The following AKAP6 variants were observed in gnomAD, a reference collection of about 807,000 sequenced individuals.
The protein encoded by AKAP6 is A-kinase anchor protein 6.
AKAP6 carries 58 observed loss-of-function variants against 188.5 expected under a neutral mutation model. That is an observed-to-expected ratio of 0.31 (90% CI 0.25 to 0.38). The LOEUF is 0.38. Among genes scored for constraint, AKAP6 ranks in the 10% least tolerant of loss-of-function variants. The pLI, the probability that AKAP6 is intolerant of heterozygous loss-of-function variation, is 1.00. For missense variants in AKAP6, 2,710 were observed against 2,740.0 expected (o/e 0.99, Z 0.24); for synonymous variants, 989 against 998.6 (o/e 0.99, Z 0.18).
intron 2 of AKAP6, among the ~76,000 whole-genome samples, chr14:32,439,321 T>C (rs1052678195): frequency 2.0e-5 from 3 of 152,134 alleles, no homozygotes; most frequent in African/African-American, 7.2e-5. Context: ...ATGTTGGAAG[T>C]CCAAGGATAA....
intron 1 of AKAP6, among the ~76,000 whole-genome samples, chr14:32,343,326 C>T (rs10150574): frequency 0.23 from 34,650 of 151,858 alleles, 4,527 homozygotes; most frequent in East Asian, 0.37. Flanking sequence ...AGTGGAGACC[C>T]AGATTATTCA....
At position 32,761,406 on chromosome 14, in the gene AKAP6, G is replaced by C. The variant is rs569299180; in HGVS notation, c.3373-12272G>C. ...CTTCAAGTAACAGTCTGAACTTTGT[G>C]ACGAGTTCTAGGAGTGGCTTGTTAG... On this transcript the variant is annotated intron_variant, in intron 11 of 13. Coordinates refer to ENST00000280979, the MANE Select transcript of AKAP6 (RefSeq NM_004274.5). 3.9e-5 allele frequency among the ~76,000 whole-genome samples: 6 copies of C among 152,266 alleles called. No individual in the cohort carries two copies. In the East Asian group the frequency reaches 1.2e-3, roughly 29 times the overall value.
chr14:32,421,336 A>T (rs1889843970), intron 1 of AKAP6, among the ~76,000 whole-genome samples: 1 of 21,326 alleles, frequency 4.7e-5, no homozygotes, highest in African/African-American at 1.3e-4. Context: ...TGCAATAGTC[A>T]CTAATTATCT....
chr14:32,666,668 CA>C, intron 7 of AKAP6, among the ~76,000 whole-genome samples: 1 of 151,990 alleles, frequency 6.6e-6, no homozygotes, highest in East Asian at 1.9e-4. Context: ...AAGGAACCAT[CA>C]AAAATGCATC....
chr14:32,825,632 T>C (rs11622073), intron 13 of AKAP6, among the ~76,000 whole-genome samples: 8,946 of 152,252 alleles, frequency 0.059, 350 homozygotes, highest in South Asian at 0.15. Flanking sequence ...TCTCTAAAAG[T>C]GACACAAAGA....
At chr14:32,486,101 C>T (rs117962441) in intron 2 of AKAP6, among the ~76,000 whole-genome samples, 272 of 152,234 alleles carry the variant, frequency 1.8e-3, no homozygotes, top group Middle Eastern at 3.4e-3. Context: ...TTGTTTGTGT[C>T]AGGTTTGTCA....
intron 8 of AKAP6, among the ~76,000 whole-genome samples, chr14:32,679,144 G>A (rs1295207162): frequency 1.3e-5 from 2 of 152,030 alleles, no homozygotes; most frequent in Non-Finnish European, 2.9e-5. Flanking sequence ...AAATATATGT[G>A]TATTTATATC....
intron 1 of AKAP6, among the ~76,000 whole-genome samples, chr14:32,334,631 TG>T (rs912770300): frequency 6.6e-6 from 1 of 152,204 alleles, no homozygotes; most frequent in African/African-American, 2.4e-5. Context: ...ATGTAGGGTT[TG>T]GTGCTATCCA....
Position 32,509,137 on chromosome 14 carries a change from T to G in AKAP6, c.325-26417T>G, listed in dbSNP as rs1406322068. 2.2e-5 allele frequency among the ~76,000 whole-genome samples: 3 copies of G among 135,736 alleles called. No individual in the cohort carries two copies. In the East Asian group the frequency reaches 6.4e-4, roughly 29 times the overall value. The allele number at this position is 135,736 out of a possible 152,430, so 89.0% of individuals were successfully genotyped here. A position where few individuals can be genotyped will look rare whatever the true frequency, so the allele number is the denominator to read the frequency against. On this transcript the variant is annotated intron_variant, in intron 2 of 13. Coordinates refer to ENST00000280979, the MANE Select transcript of AKAP6 (RefSeq NM_004274.5). ...CCCTGCCTCTTTTTTTTTTTTTTTT[T>G]TTTTTTTGAGAGAGTCTTGCTCTGT...
At chr14:32,516,853 G>A (rs980681734) in intron 2 of AKAP6, among the ~76,000 whole-genome samples, 3 of 152,110 alleles carry the variant, frequency 2.0e-5, no homozygotes, top group Admixed American at 2.0e-4. Context: ...TTGCCTTGAT[G>A]GTGGTCTGAA....
intron 7 of AKAP6, among the ~76,000 whole-genome samples, chr14:32,627,886 A>G (rs1887091895): frequency 6.6e-6 from 1 of 152,040 alleles, no homozygotes; most frequent in African/African-American, 2.4e-5. Flanking sequence ...GGTCTTTAAC[A>G]GGCAGCAGTT....
Position 32,545,674 on chromosome 14 carries a change from T to A in AKAP6, c.1021T>A (p.Ser341Thr). 1 of 1,614,172 alleles carries A rather than the reference T, an allele frequency of 6.2e-7. No homozygotes were observed. The highest frequency in any genetic ancestry group is 8.5e-7 in the Non-Finnish European group (1 of 1,180,030). Residue 341 changes from serine to threonine, a missense_variant, in exon 4 of 14, where the codon TCT becomes ACT. By Grantham distance (58) the Ser-to-Thr change is moderately conservative. Coordinates refer to ENST00000280979, the MANE Select transcript of AKAP6 (RefSeq NM_004274.5). ...TCTGACAAATGCTGCTCAACCCTCC[T>A]CTGAGACTGTGCAGCAAGAATCCAG... ...EALTNAAQPS[S>T]ETVQQESSSS...
intron 2 of AKAP6, among the ~76,000 whole-genome samples, chr14:32,471,706 T>C (rs574290784): frequency 8.5e-5 from 13 of 152,232 alleles, no homozygotes; most frequent in Non-Finnish European, 1.9e-4. Flanking sequence ...TTATTGTTCA[T>C]TGAGACATGT....
At position 32,835,351 on chromosome 14, in the gene AKAP6, T is replaced by C. The variant is rs1241334611; in HGVS notation, c.*5546T>C. On this transcript the variant is annotated 3_prime_UTR_variant, in exon 14 of 14. Transcript: ENST00000280979. ...TTAAAAAATAAAGTGCACTTAAAGA[T>C]TGTTTCACATCCACAGTTTGTTTAA... 6.6e-6 allele frequency: 1 copy of C among 152,206 alleles called. No individual in the cohort carries two copies. The highest frequency in any genetic ancestry group is 2.4e-5 in the African/African-American group (1 of 41,454). The allele number at this position is 152,206 out of a possible 1,614,324, so 9.4% of individuals were successfully genotyped here.
chr14:32,635,531 A>T (rs1887447496), intron 7 of AKAP6, among the ~76,000 whole-genome samples: 1 of 152,112 alleles, frequency 6.6e-6, no homozygotes, highest in African/African-American at 2.4e-5. Flanking sequence ...TCATTTATTT[A>T]TTTAGCTGTG....
intron 9 of AKAP6, among the ~76,000 whole-genome samples, chr14:32,729,793 C>A (rs1207530795): frequency 1.3e-5 from 2 of 152,136 alleles, no homozygotes; most frequent in African/African-American, 4.8e-5. Context: ...GAAAAGCTTT[C>A]TGACTTTAAC....
At chr14:32,386,534 A>G (rs1888542434) in intron 1 of AKAP6, among the ~76,000 whole-genome samples, 1 of 151,824 alleles carries the variant, frequency 6.6e-6, no homozygotes, top group African/African-American at 2.4e-5. Flanking sequence ...GATTGTGAAG[A>G]TTTTTTTCCC....
intron 12 of AKAP6, among the ~76,000 whole-genome samples, chr14:32,798,026 A>G (rs2033826698): frequency 6.6e-6 from 1 of 152,256 alleles, no homozygotes; most frequent in South Asian, 2.1e-4. Context: ...CAGAATCTAG[A>G]AGGAACTTAA....
chr14:32,644,671 A>G (rs189485908), intron 7 of AKAP6, among the ~76,000 whole-genome samples: 1 of 152,020 alleles, frequency 6.6e-6, no homozygotes, highest in African/African-American at 2.4e-5. Flanking sequence ...ATTTTTTTTA[A>G]TCCCTTAGCC....
Sources: allele counts gnomAD v4.1 joint callset (sites outside exome capture counted in the v4.1 genomes callset), GRCh38; gene constraint gnomAD v4.1.1; transcripts MANE v1.5; gene names NCBI Gene and HGNC (gene_info 2026-07-23, HGNC 2026-07-21).